Variants in ANKS1B observed in about 807,000 individuals in gnomAD.
The protein encoded by ANKS1B is ankyrin repeat and sterile alpha motif domain-containing protein 1B.
A neutral mutation model predicts 148.3 loss-of-function variants in ANKS1B; 36 were observed. The ratio of observed to expected loss-of-function variants is 0.24; its 90% CI spans 0.19 to 0.32. The LOEUF (loss-of-function observed/expected upper bound fraction) is 0.32. Among genes scored for constraint, ANKS1B ranks in the 10% least tolerant of loss-of-function variants. ANKS1B has a pLI of 1.00. For missense variants in ANKS1B, 1,157 were observed against 1,542.6 expected, an observed-to-expected ratio of 0.75 and a Z score of 4.19; for synonymous variants, 542 against 560.8, an observed-to-expected ratio of 0.97 and a Z score of 0.47.
intron 10 of ANKS1B, among the ~76,000 whole-genome samples, chr12:99,459,940 C>A (rs1181205095): frequency 6.6e-6 from 1 of 152,004 alleles, no homozygotes; most frequent in Non-Finnish European, 1.5e-5. Flanking sequence ...AAAGAGCCCA[C>A]ATAACCAAAA....
chr12:98,769,411 C>T (rs1694701306), intron 25 of ANKS1B, among the ~76,000 whole-genome samples: 1 of 151,872 alleles, frequency 6.6e-6, no homozygotes, highest in South Asian at 2.1e-4. Flanking sequence ...ACAAACTGTT[C>T]ACCTGGAGAA....
At chr12:98,933,918 G>C (rs1403841771) in intron 17 of ANKS1B, among the ~76,000 whole-genome samples, 1 of 151,784 alleles carries the variant, frequency 6.6e-6, no homozygotes, top group Non-Finnish European at 1.5e-5. Context: ...CCTCGTATCT[G>C]ATATATGGTT....
chr12:99,944,091 C>T, intron 1 of ANKS1B, among the ~76,000 whole-genome samples: 1 of 152,048 alleles, frequency 6.6e-6, no homozygotes. Flanking sequence ...TCTTCATCAG[C>T]CCCTAAACTT....
At chr12:98,785,362 C>G (rs111380017) in intron 22 of ANKS1B, among the ~76,000 whole-genome samples, 13 of 152,078 alleles carry the variant, frequency 8.5e-5, no homozygotes, top group Admixed American at 2.6e-4. Context: ...CCCAGCTATT[C>G]AGGAGGCCGA....
intron 12 of ANKS1B, among the ~76,000 whole-genome samples, chr12:99,282,679 C>G (rs541632491): frequency 8.6e-5 from 13 of 151,924 alleles, no homozygotes; most frequent in Non-Finnish European, 1.8e-4. Flanking sequence ...ATCGGATGTG[C>G]CATATCAAAA....
chr12:99,103,119 G>T (rs2058373927), intron 15 of ANKS1B, among the ~76,000 whole-genome samples: 1 of 152,104 alleles, frequency 6.6e-6, no homozygotes, highest in Non-Finnish European at 1.5e-5. Context: ...TAAAGGGCCT[G>T]GAAGAGGGAA....
rs145475641 is a variant in ANKS1B at position 99,964,938 on chromosome 12, A to G, written c.134+19166T>C. Reference sequence around the variant, plus strand: ...GATAGCATATAAGACGACTTATCAAATAAGTATATATACAAAGATAACAGA... The same window carrying G: ...GATAGCATATAAGACGACTTATCAAGTAAGTATATATACAAAGATAACAGA... On this transcript the variant is annotated intron_variant, in intron 1 of 26. Coordinates refer to ENST00000683438, the MANE Select transcript of ANKS1B (RefSeq NM_001352186.2). Among the ~76,000 whole-genome samples the G allele has an allele frequency of 3.0e-4, 46 of 152,348 alleles. 1 individual carries two copies. The highest frequency in any genetic ancestry group is 1.1e-3 in the African/African-American group (44 of 41,586).
intron 5 of ANKS1B, among the ~76,000 whole-genome samples, chr12:99,781,495 C>T (rs927117103): frequency 6.6e-6 from 1 of 152,120 alleles, no homozygotes; most frequent in African/African-American, 2.4e-5. Context: ...TTTATTGTTC[C>T]TTCAAAGCAC....
At chr12:99,303,868 G>A (rs1162595284) in intron 12 of ANKS1B, among the ~76,000 whole-genome samples, 1 of 152,100 alleles carries the variant, frequency 6.6e-6, no homozygotes, top group East Asian at 1.9e-4. Context: ...ATATAAGTGA[G>A]AACATATGAT....
chr12:99,054,751 C>T (rs2099968491), intron 16 of ANKS1B, among the ~76,000 whole-genome samples: 1 of 152,136 alleles, frequency 6.6e-6, no homozygotes, highest in African/African-American at 2.4e-5. Context: ...ACCATGTTGG[C>T]CAGGCTGGTC....
intron 1 of ANKS1B, among the ~76,000 whole-genome samples, chr12:99,891,163 G>A (rs1003082922): frequency 6.6e-6 from 1 of 152,216 alleles, no homozygotes; most frequent in Non-Finnish European, 1.5e-5. Flanking sequence ...TCATGTAGTA[G>A]TAGGTCTATG....
At chr12:99,352,458 C>T (rs973566255) in intron 12 of ANKS1B, among the ~76,000 whole-genome samples, 4 of 151,798 alleles carry the variant, frequency 2.6e-5, no homozygotes, top group South Asian at 2.1e-4. Flanking sequence ...AAACACCAAA[C>T]GACTTCAAAA....
At chr12:99,103,651 C>T (rs976390869) in intron 15 of ANKS1B, among the ~76,000 whole-genome samples, 3 of 152,148 alleles carry the variant, frequency 2.0e-5, no homozygotes, top group Non-Finnish European at 2.9e-5. Context: ...ATCTTCTTTT[C>T]ATCTTCTTCA....
chr12:99,017,174 C>G (rs528022775), intron 17 of ANKS1B, among the ~76,000 whole-genome samples: 8 of 152,210 alleles, frequency 5.3e-5, no homozygotes, highest in Non-Finnish European at 1.2e-4. Context: ...ATAGTTGACT[C>G]CATCTTGCTT....
intron 14 of ANKS1B, among the ~76,000 whole-genome samples, chr12:99,181,354 T>C (rs1294653103): frequency 2.0e-5 from 3 of 152,220 alleles, no homozygotes; most frequent in African/African-American, 4.8e-5. Flanking sequence ...TTGAAATCTA[T>C]GTTTTATTTC....
At chr12:99,263,678 G>T (rs2153983894) in intron 12 of ANKS1B, among the ~76,000 whole-genome samples, 1 of 152,196 alleles carries the variant, frequency 6.6e-6, no homozygotes, top group Non-Finnish European at 1.5e-5. Flanking sequence ...CTGTTCTCAT[G>T]ACAGTGAGTG....
intron 10 of ANKS1B, among the ~76,000 whole-genome samples, chr12:99,465,231 C>G (rs1490953387): frequency 6.6e-6 from 1 of 152,116 alleles, no homozygotes; most frequent in African/African-American, 2.4e-5. Context: ...ACCTTACAGA[C>G]AAGCAAATGC....
chr12:98,836,051 T>C (rs1361221918), intron 17 of ANKS1B, among the ~76,000 whole-genome samples: 1 of 152,196 alleles, frequency 6.6e-6, no homozygotes. Context: ...TTGCCCAAGG[T>C]CACACTGCTA....
At chr12:99,748,160 A>C (rs1166082754) in intron 8 of ANKS1B, among the ~76,000 whole-genome samples, 1 of 152,102 alleles carries the variant, frequency 6.6e-6, no homozygotes, top group Non-Finnish European at 1.5e-5. Flanking sequence ...AGAAAACTTC[A>C]TTTATTTGGG....
Sources: allele counts gnomAD v4.1 joint callset (sites outside exome capture counted in the v4.1 genomes callset), GRCh38; gene constraint gnomAD v4.1.1; transcripts MANE v1.5; gene names NCBI Gene and HGNC (gene_info 2026-07-23, HGNC 2026-07-21).